NR6A1: variants seen among roughly 807,000 people sequenced by gnomAD.
NR6A1 encodes the protein retinoic acid receptor-related testis-associated receptor.
NR6A1 carries 7 observed loss-of-function variants against 59.1 expected under a neutral mutation model. The observed-to-expected ratio is 0.12, with a 90% confidence interval of 0.07 to 0.22. The LOEUF is 0.22. Among genes scored for constraint, NR6A1 ranks in the 10% least tolerant of loss-of-function variants. The pLI is 1.00. For synonymous variants in NR6A1, 243 were observed against 236.1 expected, an observed-to-expected ratio of 1.03 and a Z score of -0.27; for missense variants, 468 against 611.6, an observed-to-expected ratio of 0.77 and a Z score of 2.48.
chr9:124,642,068 C>T (rs1285153234), intron 2 of NR6A1, among the ~76,000 whole-genome samples: 2 of 151,780 alleles, frequency 1.3e-5, no homozygotes, highest in Admixed American at 6.6e-5. Flanking sequence ...TCTTTTGAGA[C>T]AGTCAAGTCT....
chr9:124,573,257 A>C (rs1296176011), intron 2 of NR6A1, among the ~76,000 whole-genome samples: 1 of 152,202 alleles, frequency 6.6e-6, no homozygotes, highest in Non-Finnish European at 1.5e-5. Context: ...AATTTCTCCT[A>C]CATGGGTAAA....
Position 124,565,958 on chromosome 9 carries a change from T to C in NR6A1, c.143-11388A>G, listed in dbSNP as rs944087179. 3.9e-5 allele frequency among the ~76,000 whole-genome samples: 6 copies of C among 152,210 alleles called. No individual in the cohort carries two copies. The South Asian group carries it at 1.0e-3, about 26-fold the overall frequency. ...ATCCTATGATTCATTCCCAGGTATATACCCAATACAAAATGCATATACATG... is the reference window on the plus strand; with the variant it reads ...ATCCTATGATTCATTCCCAGGTATACACCCAATACAAAATGCATATACATG... On this transcript the variant is annotated intron_variant, in intron 2 of 9. Coordinates refer to ENST00000487099, the MANE Select transcript of NR6A1 (RefSeq NM_033334.4).
At chr9:124,720,839 G>A (rs947206875) in intron 2 of NR6A1, among the ~76,000 whole-genome samples, 1 of 152,094 alleles carries the variant, frequency 6.6e-6, no homozygotes, top group African/African-American at 2.4e-5. Flanking sequence ...TTAATCTAGG[G>A]TATCCCCCCA....
Position 124,757,461 on chromosome 9 carries a change from CAAAA to C in NR6A1, c.100+13555_100+13558del, listed in dbSNP as rs34265467. ...TATATACTGTATGACTAAAAAAATG[CAAAA>C]AAAAAAAAAAAACCTTGGATTTGAG... On this transcript the variant is annotated intron_variant, in intron 1 of 9. Coordinates refer to ENST00000487099, the MANE Select transcript of NR6A1 (RefSeq NM_033334.4). Among the ~76,000 whole-genome samples the C allele has an allele frequency of 4.5e-5, 5 of 110,446 alleles. No homozygotes were observed. The South Asian group carries it at 8.6e-4, about 19-fold the overall frequency. 72.5% of individuals were successfully genotyped at this position (110,446 alleles called of 152,430 possible).
chr9:124,764,821 G>A (rs554711078), intron 1 of NR6A1, among the ~76,000 whole-genome samples: 4 of 152,302 alleles, frequency 2.6e-5, no homozygotes, highest in Middle Eastern at 6.8e-3. Flanking sequence ...ACCACCCACA[G>A]AGTATATCTT....
chr9:124,690,659 G>A (rs1266911511), intron 2 of NR6A1, among the ~76,000 whole-genome samples: 5 of 151,994 alleles, frequency 3.3e-5, no homozygotes, highest in South Asian at 2.1e-4. Context: ...CTCAGCCTCC[G>A]AAAGTGCTGG....
chr9:124,746,192 G>A (rs570452985), intron 1 of NR6A1, among the ~76,000 whole-genome samples: 8 of 152,140 alleles, frequency 5.3e-5, no homozygotes, highest in East Asian at 1.9e-4. Context: ...TATCTCCCAC[G>A]TCCCAGCTTC....
chr9:124,667,850 A>C (rs1411265257), intron 2 of NR6A1, among the ~76,000 whole-genome samples: 2 of 152,178 alleles, frequency 1.3e-5, no homozygotes, highest in African/African-American at 2.4e-5. Flanking sequence ...CAAAAATATA[A>C]AGACAAAAAT....
chr9:124,525,710 TAC>T (rs747297848), intron 8 of NR6A1, among the ~76,000 whole-genome samples: 1 of 146,086 alleles, frequency 6.8e-6, no homozygotes, highest in Non-Finnish European at 1.5e-5. Flanking sequence ...TATATATATA[TAC>T]ACACACACAC....
In NR6A1 at chr9:124,538,326, A is replaced by G. The variant is rs1833344389; in HGVS notation, c.597-7T>C. ...ATTCAGTTCCACAGACCTACTGGAG[A>G]GAAAAGTCTTGCGTCAAACAGAGCC... On this transcript the variant is annotated splice_region_variant and splice_polypyrimidine_tract_variant and intron_variant, in intron 5 of 9. Transcript: ENST00000487099. 1.2e-6 allele frequency: 2 copies of G among 1,608,380 alleles called. No individual in the cohort carries two copies. Among genetic ancestry groups the G allele is most frequent in the Non-Finnish European group, 1.7e-6 (2 of 1,175,786 alleles).
intron 2 of NR6A1, among the ~76,000 whole-genome samples, chr9:124,562,301 T>C (rs141217710): frequency 1.6e-4 from 24 of 152,350 alleles, no homozygotes; most frequent in African/African-American, 5.8e-4. Flanking sequence ...CACAATTTTA[T>C]TCCTGCAAAA....
intron 2 of NR6A1, among the ~76,000 whole-genome samples, chr9:124,565,147 G>A (rs1043961671): frequency 1.3e-5 from 2 of 152,124 alleles, no homozygotes; most frequent in African/African-American, 4.8e-5. Flanking sequence ...GAAGTCAGAA[G>A]GCCAGGTGTG....
chr9:124,548,218 T>C (rs1379438332), intron 3 of NR6A1, among the ~76,000 whole-genome samples: 1 of 152,166 alleles, frequency 6.6e-6, no homozygotes, highest in Non-Finnish European at 1.5e-5. Flanking sequence ...ATTGGTGAAT[T>C]TAGGTAAAGG....
chr9:124,552,126 A>C (rs1833795111), intron 3 of NR6A1, among the ~76,000 whole-genome samples: 2 of 152,224 alleles, frequency 1.3e-5, no homozygotes, highest in African/African-American at 4.8e-5. Flanking sequence ...CTCACACTCC[A>C]GCTGAACAAG....
At chr9:124,670,648 AG>A (rs1357691244) in intron 2 of NR6A1, among the ~76,000 whole-genome samples, 4 of 152,192 alleles carry the variant, frequency 2.6e-5, no homozygotes, top group Non-Finnish European at 4.4e-5. Flanking sequence ...CAGCATGATC[AG>A]GGAAGAAATT....
chr9:124,749,868 C>G (rs1840446400), intron 1 of NR6A1, among the ~76,000 whole-genome samples: 1 of 152,210 alleles, frequency 6.6e-6, no homozygotes, highest in African/African-American at 2.4e-5. Context: ...TACATTAGCA[C>G]AAACATAAGG....
intron 3 of NR6A1, among the ~76,000 whole-genome samples, chr9:124,545,490 T>C (rs1043726621): frequency 2.0e-5 from 3 of 152,214 alleles, no homozygotes; most frequent in African/African-American, 7.2e-5. Flanking sequence ...ATGTTAGAGC[T>C]AGATGTATGC....
chr9:124,665,008 TCCAAAAAAAA>T (rs1241970439), intron 2 of NR6A1, among the ~76,000 whole-genome samples: 21 of 24,678 alleles, frequency 8.5e-4, no homozygotes, highest in East Asian at 7.8e-3. Flanking sequence ...TCCTTGTATC[TCCAAAAAAAA>T]AAAAAAAAAA....
intron 2 of NR6A1, among the ~76,000 whole-genome samples, chr9:124,708,302 T>TA (rs1466005322): frequency 6.6e-6 from 1 of 152,184 alleles, no homozygotes; most frequent in African/African-American, 2.4e-5. Context: ...CTGGTTGAAC[T>TA]ACTGCACTGT....
Sources: gnomAD v4.1 joint callset for allele counts (sites outside exome capture counted in the v4.1 genomes callset) on GRCh38, gnomAD v4.1.1 for gene constraint, MANE v1.5 for transcripts, NCBI Gene and HGNC (gene_info 2026-07-23, HGNC 2026-07-21) for gene names.